ADAMTS3: variants seen among roughly 807,000 people sequenced by gnomAD.
The protein encoded by ADAMTS3 is A disintegrin and metalloproteinase with thrombospondin motifs 3.
Under a neutral mutation model 129.0 loss-of-function variants are expected in ADAMTS3, and 73 were observed. The observed-to-expected ratio is 0.57, with a 90% CI of 0.47 to 0.69. ADAMTS3 has a LOEUF of 0.69. ADAMTS3 is among the 30% of genes least tolerant of loss of function. The pLI is 0.00. For missense variants in ADAMTS3, 1,457 were observed against 1,514.5 expected (o/e 0.96, Z 0.63); for synonymous variants, 477 against 510.8 (o/e 0.93, Z 0.89).
chr4:72,522,230 C>T (rs373025637), intron 3 of ADAMTS3, among the ~76,000 whole-genome samples: 1 of 152,222 alleles, frequency 6.6e-6, no homozygotes, highest in Non-Finnish European at 1.5e-5. Context: ...CACCATTGAC[C>T]TTCTGAGTAG....
rs888066295 is a variant in ADAMTS3, at chr4:72,289,144, C to T, written c.2932-276G>A. On this transcript the variant is annotated intron_variant, in intron 20 of 21. Coordinates refer to ENST00000286657, the MANE Select transcript of ADAMTS3 (RefSeq NM_014243.3). ...GGAAAGCTGGGATAATAATACCTGT[C>T]TTATAAGATTGTTTTAGGACTAAAT... Among the ~76,000 whole-genome samples the T allele has an allele frequency of 5.3e-5, 8 of 151,952 alleles. 1 individual carries two copies. The highest frequency in any genetic ancestry group is 2.0e-4 in the Admixed American group (3 of 15,256).
intron 3 of ADAMTS3, among the ~76,000 whole-genome samples, chr4:72,500,722 T>A (rs1719996328): frequency 6.6e-6 from 1 of 152,132 alleles, no homozygotes. Context: ...TTCCCAGGTT[T>A]TCTTCAAGAA....
intron 5 of ADAMTS3, among the ~76,000 whole-genome samples, chr4:72,337,415 A>G (rs1720018587): frequency 6.6e-6 from 1 of 152,156 alleles, no homozygotes; most frequent in South Asian, 2.1e-4. Context: ...ATCCATTCCT[A>G]CATAGAAGTC....
At chr4:72,498,709 TA>T in intron 3 of ADAMTS3, among the ~76,000 whole-genome samples, 1 of 151,814 alleles carries the variant, frequency 6.6e-6, no homozygotes, top group Non-Finnish European at 1.5e-5. Flanking sequence ...TGTGTAGAAC[TA>T]AAATATTCTT....
rs1384982644 is a variant in ADAMTS3 at position 72,291,013 on chromosome 4, C to T, written c.2773G>A (p.Gly925Ser). The T allele has an allele frequency of 2.5e-6, 4 of 1,613,904 alleles. No homozygotes were observed. Among genetic ancestry groups the T allele is most frequent in the African/African-American group, 2.7e-5 (2 of 74,916 alleles). Residue 925 changes from glycine to serine, a missense_variant, in exon 20 of 22, where the codon GGC becomes AGC. Coordinates refer to ENST00000286657, the MANE Select transcript of ADAMTS3 (RefSeq NM_014243.3). The part of the protein sequence containing the change: ...EHCTKTCGSS[G>S]YQLRTVRCLQ... ...CAGCGTACAGTGCGAAGCTGATAGCCAGAACTTCCACAGGTTTTGGTGCAG... is the reference window on the plus strand; with the variant it reads ...CAGCGTACAGTGCGAAGCTGATAGCTAGAACTTCCACAGGTTTTGGTGCAG...
chr4:72,324,183 A>G (rs1719637975), intron 5 of ADAMTS3, among the ~76,000 whole-genome samples: 1 of 152,240 alleles, frequency 6.6e-6, no homozygotes, highest in African/African-American at 2.4e-5. Context: ...CAGAAAAGAC[A>G]GGCATAATCT....
chr4:72,500,469 C>T lies in ADAMTS3; in HGVS notation c.504+48009G>A, dbSNP rs1404411663. Among the ~76,000 whole-genome samples the T allele has an allele frequency of 2.0e-5, 3 of 151,824 alleles. No individual in the cohort carries two copies. In the East Asian group the frequency reaches 5.8e-4, roughly 29 times the overall value. On this transcript the variant is annotated intron_variant, in intron 3 of 21. Coordinates refer to ENST00000286657, the MANE Select transcript of ADAMTS3 (RefSeq NM_014243.3). ...GCCCATTTTTAAGTGGAGTTACTTG[C>T]TTTTTGCTTGTTCAGTTAAGTTCCC... is the stretch of plus-strand genomic sequence containing the variant.
chr4:72,339,780 G>C (rs777915603), intron 4 of ADAMTS3, 87 bp from the exon 5 acceptor site: 128 of 1,047,914 alleles, frequency 1.2e-4, no homozygotes, highest in Non-Finnish European at 1.7e-4. Flanking sequence ...CTTCTCAGGG[G>C]CCTATCAGTA....
intron 4 of ADAMTS3, among the ~76,000 whole-genome samples, chr4:72,381,200 T>C (rs1257800496): frequency 6.6e-6 from 1 of 152,144 alleles, no homozygotes; most frequent in African/African-American, 2.4e-5. Context: ...TAATAAAAAA[T>C]CACAGCAAAA....
chr4:72,305,064 T>A (rs1473077753), intron 16 of ADAMTS3, among the ~76,000 whole-genome samples: 2 of 152,026 alleles, frequency 1.3e-5, no homozygotes, highest in Non-Finnish European at 2.9e-5. Context: ...AATAAAACAA[T>A]TTGCTACAAA....
chr4:72,529,234 G>A (rs1222023005), intron 3 of ADAMTS3, among the ~76,000 whole-genome samples: 1 of 152,162 alleles, frequency 6.6e-6, no homozygotes, highest in Non-Finnish European at 1.5e-5. Flanking sequence ...GAAGTAAGGA[G>A]TTGAGGGGAA....
chr4:72,413,350 T>C (rs756541516), intron 4 of ADAMTS3, among the ~76,000 whole-genome samples: 2 of 151,948 alleles, frequency 1.3e-5, no homozygotes, highest in Non-Finnish European at 2.9e-5. Context: ...ATTAGTAATA[T>C]GGAACAACCA....
In ADAMTS3 at chr4:72,291,001, G is replaced by A. The variant is rs760249353; in HGVS notation, c.2785C>T (p.Arg929Cys). 8.7e-6 allele frequency: 14 copies of A among 1,613,922 alleles called. No homozygotes were observed. In the Admixed American group the frequency reaches 1.3e-4, roughly 15 times the overall value. The change falls in exon 20 of 22, where the codon CGC becomes TGC. Residue 929 changes from arginine (R) to cysteine (C), a missense_variant. Coordinates refer to ENST00000286657, the MANE Select transcript of ADAMTS3 (RefSeq NM_014243.3). ...AGTGGCTGAAGGCAGCGTACAGTGC[G>A]AAGCTGATAGCCAGAACTTCCACAG... ...KTCGSSGYQL[R>C]TVRCLQPLLD... is the part of the protein sequence containing the mutation.
intron 3 of ADAMTS3, among the ~76,000 whole-genome samples, chr4:72,424,758 A>AT (rs766787758): frequency 3.5e-4 from 53 of 152,206 alleles, no homozygotes; most frequent in Admixed American, 4.6e-4. Flanking sequence ...AAACTAGTTC[A>AT]TTTTTATTAC....
At position 72,390,264 on chromosome 4, in the gene ADAMTS3, T is replaced by C. The variant is rs1434560; in HGVS notation, c.661+24551A>G. Reference sequence around the variant, plus strand: ...AAAGATTAACCATATTAACTAACTTTAAAAAAGTCTCTGGGATTCTTCATG... The same window carrying C: ...AAAGATTAACCATATTAACTAACTTCAAAAAAGTCTCTGGGATTCTTCATG... On this transcript the variant is annotated intron_variant, in intron 4 of 21. Coordinates refer to ENST00000286657, the MANE Select transcript of ADAMTS3 (RefSeq NM_014243.3). Among the ~76,000 whole-genome samples, 245 of 152,292 alleles carry C rather than the reference T, an allele frequency of 1.6e-3. 2 individuals carry two copies. Among genetic ancestry groups the C allele is most frequent in the African/African-American group, 5.6e-3 (232 of 41,558 alleles).
intron 3 of ADAMTS3, among the ~76,000 whole-genome samples, chr4:72,422,424 T>G (rs1722469805): frequency 6.6e-6 from 1 of 152,124 alleles, no homozygotes. Flanking sequence ...TTCCAAAATT[T>G]AACACTAATT....
At chr4:72,378,292 CAA>C (rs1160055261) in intron 4 of ADAMTS3, among the ~76,000 whole-genome samples, 11 of 152,072 alleles carry the variant, frequency 7.2e-5, no homozygotes, top group Admixed American at 1.3e-4. Context: ...CAATTCAGCA[CAA>C]AGAGTCAAAA....
At chr4:72,562,765 A>G (rs147557087) in intron 2 of ADAMTS3, among the ~76,000 whole-genome samples, 1,691 of 152,290 alleles carry the variant, frequency 0.011, 33 homozygotes, top group African/African-American at 0.039. Context: ...CTAATTAAAA[A>G]GAAAAAATTC....
In ADAMTS3 at chr4:72,311,146, C is replaced by G; in HGVS notation, c.1957G>C (p.Glu653Gln). The G allele has an allele frequency of 6.2e-7, 1 of 1,612,036 alleles. No homozygotes were observed. The highest frequency in any genetic ancestry group is 8.5e-7 in the Non-Finnish European group (1 of 1,178,678). The change falls in exon 14 of 22, where the codon GAG (glutamate) becomes CAG (glutamine). Residue 653 changes from glutamate (E) to glutamine (Q), a missense_variant. Physicochemically the swap from Glu to Gln is conservative, Grantham distance 29 (BLOSUM62 2). Coordinates refer to ENST00000286657, the MANE Select transcript of ADAMTS3 (RefSeq NM_014243.3). ...TTCATGTAAGCAACATCTCCAGTCTCCTTGGACTGACAGTAAAGGTGGCAT... is the reference window on the plus strand; with the variant it reads ...TTCATGTAAGCAACATCTCCAGTCTGCTTGGACTGACAGTAAAGGTGGCAT... Reference protein sequence around the residue: ...KRCHLYCQSKETGDVAYMKQL... With the variant: ...KRCHLYCQSKQTGDVAYMKQL...
Sources: allele counts gnomAD v4.1 joint callset (sites outside exome capture counted in the v4.1 genomes callset), GRCh38; gene constraint gnomAD v4.1.1; transcripts MANE v1.5; gene names NCBI Gene and HGNC (gene_info 2026-07-23, HGNC 2026-07-21).